Variants in GLI2 observed in about 807,000 individuals in gnomAD.
GLI2 encodes the protein GLI family zinc finger 2.
GLI2 carries 22 observed loss-of-function variants against 78.9 expected under a neutral mutation model. The observed-to-expected ratio is 0.28, with a 90% CI of 0.20 to 0.40. The LOEUF (loss-of-function observed/expected upper bound fraction) is 0.40, where lower values mean the gene tolerates loss of function less well. Ranked by LOEUF, GLI2 falls within the 10% of genes least tolerant of loss-of-function variation. GLI2 has a pLI of 1.00. For synonymous variants in GLI2, 974 were observed against 963.7 expected (o/e 1.01, Z -0.20); for missense variants, 2,097 against 2,213.2 (o/e 0.95, Z 1.05).
chr2:120,753,475 T>C (rs1682940106), intron 1 of GLI2, among the ~76,000 whole-genome samples: 1 of 152,230 alleles, frequency 6.6e-6, no homozygotes, highest in South Asian at 2.1e-4. Context: ...GCATCAGTAA[T>C]ATTAAATATT....
intron 1 of GLI2, among the ~76,000 whole-genome samples, chr2:120,770,190 A>G (rs1177179216): frequency 6.6e-6 from 1 of 152,166 alleles, no homozygotes; most frequent in Non-Finnish European, 1.5e-5. Flanking sequence ...CCCAGCACCC[A>G]GCTCCAAACA....
At chr2:120,780,660 C>G (rs1683817072) in intron 1 of GLI2, among the ~76,000 whole-genome samples, 1 of 152,206 alleles carries the variant, frequency 6.6e-6, no homozygotes, top group African/African-American at 2.4e-5. Context: ...CACTACACTA[C>G]AGACACAGCA....
chr2:120,893,663 A>C (rs1003830677), intron 2 of GLI2, among the ~76,000 whole-genome samples: 21 of 152,126 alleles, frequency 1.4e-4, no homozygotes, highest in African/African-American at 5.1e-4. Flanking sequence ...GAAAGAAAAA[A>C]AAAAAGGAAA....
intron 2 of GLI2, among the ~76,000 whole-genome samples, chr2:120,837,219 C>G (rs1686654915): frequency 6.6e-6 from 1 of 151,928 alleles, no homozygotes; most frequent in African/African-American, 2.4e-5. Context: ...ACGGTGAAAC[C>G]CTGTCTCTAC....
intron 2 of GLI2, 150 bp downstream of exon 2, chr2:120,797,618 A>G (rs1573390040): frequency 2.7e-6 from 2 of 752,110 alleles, no homozygotes; most frequent in Non-Finnish European, 4.3e-6. Flanking sequence ...CAGGAATCCC[A>G]GGCACCATGA....
intron 3 of GLI2, among the ~76,000 whole-genome samples, chr2:120,942,149 A>C (rs1680478102): frequency 6.6e-6 from 1 of 152,206 alleles, no homozygotes; most frequent in Non-Finnish European, 1.5e-5. Flanking sequence ...AGGCCAATGC[A>C]ACATGCTTTC....
At position 120,988,562 on chromosome 2, in the gene GLI2, C is replaced by A; in HGVS notation, c.2597C>A (p.Pro866Gln). 6.7e-7 allele frequency: 1 copy of A among 1,499,608 alleles called. No homozygotes were observed. The highest frequency in any genetic ancestry group is 1.5e-5 in the African/African-American group (1 of 68,956). The allele number at this position is 1,499,608 out of a possible 1,614,324, so 92.9% of individuals were successfully genotyped here. The change falls in exon 14 of 14, where the codon CCG becomes CAG. Residue 866 changes from proline (P) to glutamine (Q), a missense_variant. Pro to Gln is a moderately conservative substitution (Grantham distance 76). Coordinates refer to ENST00000361492, the MANE Select transcript of GLI2 (RefSeq NM_001374353.1). ...GGCTCCGGGCTGCTCAACCTCACGC[C>A]GGCGCAGCAGTACAGCCTGCGGGCC... Reference protein sequence around the residue: ...SGGSGLLNLTPAQQYSLRAKY... With the variant: ...SGGSGLLNLTQAQQYSLRAKY...
intron 1 of GLI2, among the ~76,000 whole-genome samples, chr2:120,746,427 G>A (rs958432981): frequency 6.6e-6 from 1 of 152,198 alleles, no homozygotes; most frequent in African/African-American, 2.4e-5. Flanking sequence ...CCAGAAAGTA[G>A]AAGGCCTAAG....
chr2:120,944,816 T>C (rs553252036), intron 3 of GLI2, among the ~76,000 whole-genome samples: 5 of 152,394 alleles, frequency 3.3e-5, no homozygotes, highest in African/African-American at 1.2e-4. Flanking sequence ...CCTTGCAGGC[T>C]TGCTGGATGT....
intron 1 of GLI2, among the ~76,000 whole-genome samples, chr2:120,763,536 C>T (rs1212197932): frequency 2.0e-5 from 3 of 152,232 alleles, no homozygotes; most frequent in Non-Finnish European, 4.4e-5. Context: ...GACCAGGCAT[C>T]CAGTGGGTGC....
At chr2:120,744,321 C>T (rs754786548) in intron 1 of GLI2, among the ~76,000 whole-genome samples, 2 of 152,192 alleles carry the variant, frequency 1.3e-5, no homozygotes, top group African/African-American at 2.4e-5. Flanking sequence ...CTGGCCCTCG[C>T]TGTCTGTGGA....
In GLI2 at chr2:120,932,123, G is replaced by A. The variant is rs148019777; in HGVS notation, c.254+4657G>A. ...TGGCTCTGGCTTCCATGATGAATGT[G>A]GTTGGAGCCCGGTGGAGAATCCCGA... On this transcript the variant is annotated intron_variant, in intron 3 of 13. Coordinates refer to ENST00000361492, the MANE Select transcript of GLI2 (RefSeq NM_001374353.1). Among the ~76,000 whole-genome samples the A allele has an allele frequency of 2.1e-3, 314 of 152,332 alleles. 3 individuals are homozygous for A. The highest frequency in any genetic ancestry group is 7.3e-3 in the African/African-American group (303 of 41,572).
chr2:120,891,764 T>A (rs537043309), intron 2 of GLI2, among the ~76,000 whole-genome samples: 7 of 152,270 alleles, frequency 4.6e-5, no homozygotes, highest in South Asian at 4.1e-4. Context: ...TCCCTTCTCT[T>A]CCTTACTTGC....
chr2:120,953,440 TGA>T (rs1475646125), intron 4 of GLI2, among the ~76,000 whole-genome samples: 2 of 152,126 alleles, frequency 1.3e-5, no homozygotes, highest in Admixed American at 1.3e-4. Context: ...TCCAGAACTG[TGA>T]GAGAATAAAG....
At chr2:120,951,494 G>C (rs771773267) in intron 4 of GLI2, 49 bp downstream of exon 4, 57 of 1,236,396 alleles carry the variant, frequency 4.6e-5, no homozygotes, top group Non-Finnish European at 6.5e-5. Context: ...ACTGGGGCAG[G>C]GCGCAGCCAG....
intron 5 of GLI2, among the ~76,000 whole-genome samples, chr2:120,960,540 T>C (rs982929092): frequency 6.6e-6 from 1 of 152,226 alleles, no homozygotes; most frequent in Non-Finnish European, 1.5e-5. Flanking sequence ...GACTCACCTT[T>C]TGGGGTTAAA....
At chr2:120,807,115 C>CCAAAGTGTGATTG (rs1329149186) in intron 2 of GLI2, among the ~76,000 whole-genome samples, 1 of 152,116 alleles carries the variant, frequency 6.6e-6, no homozygotes, top group Non-Finnish European at 1.5e-5. Flanking sequence ...GAGGGGGTCA[C>CCAAAGTGTGATTG]CAAAGTGTGA....
intron 1 of GLI2, among the ~76,000 whole-genome samples, chr2:120,766,642 T>G (rs978415808): frequency 2.0e-5 from 3 of 152,244 alleles, no homozygotes; most frequent in Non-Finnish European, 4.4e-5. Context: ...CAGACTGGCC[T>G]GGTGGCATCC....
At chr2:120,809,024 C>G (rs1252448867) in intron 2 of GLI2, among the ~76,000 whole-genome samples, 2 of 152,144 alleles carry the variant, frequency 1.3e-5, no homozygotes, top group African/African-American at 4.8e-5. Context: ...AGAACTACCT[C>G]CGATAATTGA....
Sources: allele counts gnomAD v4.1 joint callset (sites outside exome capture counted in the v4.1 genomes callset), GRCh38; gene constraint gnomAD v4.1.1; transcripts MANE v1.5; gene names NCBI Gene and HGNC (gene_info 2026-07-23, HGNC 2026-07-21).